Variants in NEK1 observed in about 807,000 individuals in gnomAD.
NEK1 encodes the protein NIMA related kinase 1.
Under a neutral mutation model 182.1 loss-of-function variants are expected in NEK1, and 137 were observed. The ratio of observed to expected loss-of-function variants is 0.75; its 90% CI spans 0.65 to 0.87. NEK1 has a LOEUF of 0.87. Among genes scored for constraint, NEK1 ranks in the 40% least tolerant of loss-of-function variants. The pLI, the probability that NEK1 is intolerant of heterozygous loss-of-function variation, is 0.00. For missense variants in NEK1, 1,391 were observed against 1,494.4 expected (o/e 0.93, Z 1.14); for synonymous variants, 513 against 492.2 (o/e 1.04, Z -0.56).
intron 26 of NEK1, among the ~76,000 whole-genome samples, chr4:169,473,769 G>A (rs1027460035): frequency 6.6e-6 from 1 of 152,096 alleles, no homozygotes; most frequent in Non-Finnish European, 1.5e-5. Flanking sequence ...TAATAGAGGG[G>A]AGAAAAGTGA....
At chr4:169,498,638 G>A (rs901673352) in intron 23 of NEK1, among the ~76,000 whole-genome samples, 1 of 152,148 alleles carries the variant, frequency 6.6e-6, no homozygotes, top group African/African-American at 2.4e-5. Flanking sequence ...TGTCTGTAAA[G>A]TATTTTATTT....
intron 30 of NEK1, 108 bp from the exon 31 acceptor site, chr4:169,424,908 T>C: frequency 8.6e-7 from 1 of 1,163,694 alleles, no homozygotes. Context: ...AAAACCCACA[T>C]ATCAGGAAAA....
rs77324535 is a variant in NEK1 at position 169,531,066 on chromosome 4, A to C, written c.1665+6743T>G. Among the ~76,000 whole-genome samples, 524 of 151,834 alleles carry C rather than the reference A, an allele frequency of 3.5e-3. 1 individual carries two copies. Among genetic ancestry groups the C allele is most frequent in the African/African-American group, 0.012 (482 of 41,350 alleles). ...AATAGCAAGGACAGAGCTGCAGAGA[A>C]TATTGGCATTTAAAGACTGAGAAGA... On this transcript the variant is annotated intron_variant, in intron 19 of 35. Coordinates refer to ENST00000507142, the MANE Select transcript of NEK1 (RefSeq NM_001199397.3).
intron 9 of NEK1, among the ~76,000 whole-genome samples, chr4:169,586,874 T>A (rs1245454039): frequency 6.6e-6 from 1 of 151,980 alleles, no homozygotes; most frequent in Non-Finnish European, 1.5e-5. Context: ...AAAAATTTCA[T>A]TTTACAGGTA....
chr4:169,424,404 A>G, intron 31 of NEK1, 149 bp downstream of exon 31: 1 of 944,376 alleles, frequency 1.1e-6, no homozygotes, highest in Admixed American at 3.3e-5. Flanking sequence ...CTCAATTGCA[A>G]TTTATTTGCT....
chr4:169,406,761 C>A lies in NEK1; in HGVS notation c.3223-14G>T. On this transcript the variant is annotated splice_polypyrimidine_tract_variant and intron_variant, in intron 31 of 35. Coordinates refer to ENST00000507142, the MANE Select transcript of NEK1 (RefSeq NM_001199397.3). ...TGTCCTTAACATCTAAAATAAAAAT[C>A]AACAAATTTCTTATTAGGAGAAAGA... 6.4e-7 allele frequency: 1 copy of A among 1,558,432 alleles called. No homozygotes were observed. The highest frequency in any genetic ancestry group is 8.6e-7 in the Non-Finnish European group (1 of 1,156,764).
chr4:169,507,611 A>G, intron 22 of NEK1, 104 bp downstream of exon 22: 3 of 625,214 alleles, frequency 4.8e-6, no homozygotes, highest in Non-Finnish European at 5.2e-6. Context: ...GAAAAATTAA[A>G]GGAAGAGACT....
intron 23 of NEK1, among the ~76,000 whole-genome samples, chr4:169,491,084 A>G (rs1384160485): frequency 6.7e-5 from 9 of 135,112 alleles, no homozygotes; most frequent in Non-Finnish European, 9.2e-5. Flanking sequence ...TGGAGGCTGC[A>G]GTGAGCCAAG....
At chr4:169,480,145 A>G (rs931583806) in intron 23 of NEK1, among the ~76,000 whole-genome samples, 1 of 152,204 alleles carries the variant, frequency 6.6e-6, no homozygotes, top group Non-Finnish European at 1.5e-5. Context: ...GTAACACAGC[A>G]GGAAGTTTAC....
intron 28 of NEK1, among the ~76,000 whole-genome samples, chr4:169,436,754 G>C (rs763183247): frequency 2.6e-5 from 4 of 152,240 alleles, no homozygotes; most frequent in Non-Finnish European, 5.9e-5. Context: ...ATGAAGTCAA[G>C]GTTGTGCACA....
chr4:169,450,669 G>A (rs1741541163), intron 27 of NEK1, among the ~76,000 whole-genome samples: 1 of 152,140 alleles, frequency 6.6e-6, no homozygotes, highest in Non-Finnish European at 1.5e-5. Context: ...ACTAAACATG[G>A]AAAGGAAAAA....
intron 12 of NEK1, among the ~76,000 whole-genome samples, chr4:169,569,467 C>CCTCCCTCT (rs201240082): frequency 0.21 from 24,366 of 118,004 alleles, 4,260 homozygotes; most frequent in African/African-American, 0.49. Flanking sequence ...TCTCTCCCTC[C>CCTCCCTCT]CTCCCTCTCT....
intron 18 of NEK1, among the ~76,000 whole-genome samples, chr4:169,550,467 T>C (rs1463704806): frequency 6.6e-6 from 1 of 152,236 alleles, no homozygotes; most frequent in African/African-American, 2.4e-5. Flanking sequence ...CTTCAACTCC[T>C]GGTTGCACTA....
chr4:169,507,575 C>A, intron 22 of NEK1, 140 bp downstream of exon 22: 1 of 492,504 alleles, frequency 2.0e-6, no homozygotes, highest in Non-Finnish European at 3.5e-6. Flanking sequence ...TTTTTAGAAA[C>A]CAAAAAGTGG....
intron 29 of NEK1, among the ~76,000 whole-genome samples, chr4:169,428,371 T>TATATATATATATATATATAA (rs1447545764): frequency 1.1e-4 from 16 of 144,780 alleles, no homozygotes; most frequent in African/African-American, 2.5e-4. Context: ...TATATATATA[T>TATATATATATATATATATAA]AATGGAATAT....
At chr4:169,586,219 A>G (rs921352189) in intron 9 of NEK1, among the ~76,000 whole-genome samples, 6 of 152,064 alleles carry the variant, frequency 3.9e-5, no homozygotes, top group Non-Finnish European at 8.8e-5. Context: ...TGATATCTCC[A>G]CTAAAATATT....
chr4:169,458,779 T>C (rs1208227630), intron 27 of NEK1, among the ~76,000 whole-genome samples: 1 of 147,840 alleles, frequency 6.8e-6, no homozygotes, highest in Non-Finnish European at 1.5e-5. Flanking sequence ...CAGTGAGCCA[T>C]GTTGCAACAC....
At chr4:169,506,941 A>C in intron 23 of NEK1, 96 bp downstream of exon 23, 1 of 725,954 alleles carries the variant, frequency 1.4e-6, no homozygotes. Context: ...AACAGAAAAA[A>C]AAAAGCACAA....
chr4:169,497,927 G>A (rs1223514968), intron 23 of NEK1, among the ~76,000 whole-genome samples: 1 of 152,160 alleles, frequency 6.6e-6, no homozygotes, highest in Non-Finnish European at 1.5e-5. Flanking sequence ...AGGTCCCCTT[G>A]GTGCAGAGCT....
Sources: gnomAD v4.1 joint callset for allele counts (sites outside exome capture counted in the v4.1 genomes callset) on GRCh38, gnomAD v4.1.1 for gene constraint, MANE v1.5 for transcripts, NCBI Gene and HGNC (gene_info 2026-07-23, HGNC 2026-07-21) for gene names.